ICE2: variants seen among roughly 807,000 people sequenced by gnomAD.
ICE2 encodes interactor of little elongation complex ELL subunit 2.
A neutral mutation model predicts 105.4 loss-of-function variants in ICE2; 87 were observed. The ratio of observed to expected loss-of-function variants is 0.83; its 90% CI spans 0.69 to 0.99. The LOEUF (loss-of-function observed/expected upper bound fraction) is 0.99. ICE2 is among the 50% of genes least tolerant of loss of function. The pLI, the probability that ICE2 is intolerant of heterozygous loss-of-function variation, is 0.00. For synonymous variants in ICE2, 399 were observed against 392.0 expected, an observed-to-expected ratio of 1.02 and a Z score of -0.21; for missense variants, 1,323 against 1,146.7, an observed-to-expected ratio of 1.15 and a Z score of -2.22.
chr15:60,476,112 C>G lies in ICE2; in HGVS notation c.97G>C (p.Asp33His), dbSNP rs560185047. 1 of 1,608,830 alleles carries G rather than the reference C, an allele frequency of 6.2e-7. No homozygotes were observed. Among genetic ancestry groups the G allele is most frequent in the African/African-American group, 1.3e-5 (1 of 74,734 alleles). ...KTFFSRENYK[D>H]HSMAPSLKEL... ...TTTAAACTTGGAGCCATGGAATGAT[C>G]TTTATAATTTTCTCGAGAGAAAAAT... Residue 33 changes from aspartate to histidine, a missense_variant, in exon 3 of 16, where the codon GAT becomes CAT. Coordinates refer to ENST00000261520, the MANE Select transcript of ICE2 (RefSeq NM_024611.6).
At chr15:60,428,941 G>GT in intron 14 of ICE2, among the ~76,000 whole-genome samples, 1 of 152,208 alleles carries the variant, frequency 6.6e-6, no homozygotes. Context: ...CAATTCGTAA[G>GT]TTTTCATTTA....
intron 12 of ICE2, 152 bp downstream of exon 12, chr15:60,442,264 G>C: frequency 3.1e-6 from 2 of 653,878 alleles, no homozygotes; most frequent in Non-Finnish European, 5.0e-6. Flanking sequence ...CTATACTCCA[G>C]CCTGGGCAAC....
chr15:60,430,417 G>C (rs2063430266), intron 14 of ICE2, among the ~76,000 whole-genome samples: 1 of 147,750 alleles, frequency 6.8e-6, no homozygotes, highest in South Asian at 2.3e-4. Flanking sequence ...CTTGAGAACT[G>C]TAAAATAATA....
At chr15:60,423,783 C>G in intron 15 of ICE2, 21 bp from the exon 16 acceptor site, 1 of 1,559,160 alleles carries the variant, frequency 6.4e-7, no homozygotes, top group Non-Finnish European at 8.6e-7. Context: ...AAGCAGAGAA[C>G]AGAATAGCTT....
chr15:60,432,811 G>C (rs146802054), intron 13 of ICE2, among the ~76,000 whole-genome samples: 1,943 of 151,968 alleles, frequency 0.013, 39 homozygotes, highest in African/African-American at 0.043. Context: ...AGAATGGCAC[G>C]AGCCCGGGAG....
intron 12 of ICE2, chr15:60,440,135 A>T (rs1265514321): frequency 6.6e-6 from 1 of 152,226 alleles, no homozygotes; most frequent in Admixed American, 6.5e-5. Flanking sequence ...AAACAATTAT[A>T]AACAGACTTT....
intron 5 of ICE2, among the ~76,000 whole-genome samples, chr15:60,462,707 C>T (rs563035402): frequency 2.6e-5 from 4 of 152,150 alleles, no homozygotes; most frequent in East Asian, 1.9e-4. Flanking sequence ...TGAAAACATG[C>T]GCTCTCTCTG....
Position 60,460,060 on chromosome 15 carries a change from G to C in ICE2, c.529-3266C>G, listed in dbSNP as rs967185031. On this transcript the variant is annotated intron_variant, in intron 5 of 15. Transcript: ENST00000261520. ...TTTTAATCCCACCTAGATTTTTGTA[G>C]AAATGGACAAGCTGATTCCAAAATT... 1.3e-5 allele frequency among the ~76,000 whole-genome samples: 2 copies of C among 152,152 alleles called. 1 individual carries two copies. Among genetic ancestry groups the C allele is most frequent in the Non-Finnish European group, 2.9e-5 (2 of 68,010 alleles).
chr15:60,474,054 G>A (rs1216785664), intron 3 of ICE2, among the ~76,000 whole-genome samples: 1 of 152,038 alleles, frequency 6.6e-6, no homozygotes, highest in Non-Finnish European at 1.5e-5. Flanking sequence ...ATAGGTATGT[G>A]CCACTACACA....
chr15:60,446,741 G>A (rs1382982703), intron 11 of ICE2, among the ~76,000 whole-genome samples: 1 of 152,058 alleles, frequency 6.6e-6, no homozygotes, highest in East Asian at 1.9e-4. Flanking sequence ...CCTCCACAAT[G>A]ATCAATAGTA....
intron 3 of ICE2, among the ~76,000 whole-genome samples, chr15:60,470,881 G>T (rs2064574054): frequency 6.6e-6 from 1 of 151,940 alleles, no homozygotes; most frequent in Non-Finnish European, 1.5e-5. Flanking sequence ...AGTAAAGGAG[G>T]TATCTTATTT....
chr15:60,424,698 G>A (rs1453695611), intron 15 of ICE2, among the ~76,000 whole-genome samples: 1 of 152,086 alleles, frequency 6.6e-6, no homozygotes, highest in East Asian at 1.9e-4. Flanking sequence ...TAGTAGAGAT[G>A]GGGTTTCACC....
Position 60,449,011 on chromosome 15 carries a change from C to T in ICE2, c.1956G>A (p.Gln652=). 1.2e-6 allele frequency: 2 copies of T among 1,613,822 alleles called. No homozygotes were observed. Among genetic ancestry groups the T allele is most frequent in the Non-Finnish European group, 1.7e-6 (2 of 1,179,964 alleles). Reference sequence around the variant, plus strand: ...TGGAAATTGGCTTTAAGAGCTCATCCTGCATTTTTAAAATCTCTCCAACTG... The same window carrying T: ...TGGAAATTGGCTTTAAGAGCTCATCTTGCATTTTTAAAATCTCTCCAACTG... ...FDPVGEILKM[Q]DELLKPISRK... is the part of the protein sequence containing the mutation. Residue 652 remains glutamine (Q), a synonymous_variant, in exon 10 of 16, where the codon CAG becomes CAA. Coordinates refer to ENST00000261520, the MANE Select transcript of ICE2 (RefSeq NM_024611.6).
rs768333597 is a variant in ICE2 at position 60,452,092 on chromosome 15, G to A, written c.1125+1511C>T. On this transcript the variant is annotated intron_variant, in intron 9 of 15. Transcript: ENST00000261520. ...TTTCATCCCTTTTAACCTACCTCAT[G>A]TTTCTTCTTGTTACTGCCTGACATT... The A allele has an allele frequency of 3.2e-3, 3,163 of 985,068 alleles. 13 individuals carry two copies. The highest frequency in any genetic ancestry group is 3.6e-3 in the Non-Finnish European group (3,022 of 829,690). The allele number at this position is 985,068 out of a possible 1,614,324, so 61.0% of individuals were successfully genotyped here.
intron 5 of ICE2, among the ~76,000 whole-genome samples, chr15:60,466,328 C>G (rs1162664660): frequency 6.6e-6 from 1 of 152,170 alleles, no homozygotes; most frequent in African/African-American, 2.4e-5. Flanking sequence ...TGGGTCAGTT[C>G]AAACTATTAT....
In ICE2 at chr15:60,449,028, C is replaced by G; in HGVS notation, c.1939G>C (p.Glu647Gln). Residue 647 changes from glutamate (E) to glutamine (Q), a missense_variant, in exon 10 of 16, where the codon GAG becomes CAG. Physicochemically the swap from Glu to Gln is conservative, Grantham distance 29. Transcript: ENST00000261520. Reference protein sequence around the residue: ...RVYKKFDPVGEILKMQDELLK... With the variant: ...RVYKKFDPVGQILKMQDELLK... The stretch of plus-strand genomic sequence containing the variant: ...AGCTCATCCTGCATTTTTAAAATCT[C>G]TCCAACTGGATCAAATTTTTTATAT... The G allele has an allele frequency of 6.2e-7, 1 of 1,613,620 alleles. No individual in the cohort carries two copies. The highest frequency in any genetic ancestry group is 1.1e-5 in the South Asian group (1 of 91,030).
chr15:60,463,239 C>T (rs77420027), intron 5 of ICE2, among the ~76,000 whole-genome samples: 3 of 152,072 alleles, frequency 2.0e-5, no homozygotes, highest in Non-Finnish European at 4.4e-5. Flanking sequence ...GAAACGTGTG[C>T]GTATGTGTAC....
rs1399520517 is a variant in ICE2 at position 60,448,914 on chromosome 15, C to G, written c.2053G>C (p.Gly685Arg). 1.2e-6 allele frequency: 2 copies of G among 1,613,510 alleles called. No homozygotes were observed. The highest frequency in any genetic ancestry group is 1.3e-5 in the African/African-American group (1 of 74,886). ...GGCCAACTAGAGGAGTCTGAAGGAC[C>G]AGACAATTGCTCAGAAACAGAAGGC... ...KQPSVSEQLS[G>R]PSDSSSWPKS... Residue 685 changes from glycine (G) to arginine (R), a missense_variant, in exon 10 of 16, where the codon GGT (glycine) becomes CGT (arginine). Physicochemically the swap from Gly to Arg is moderately radical, Grantham distance 125. Transcript: ENST00000261520.
chr15:60,453,371 T>G, intron 9 of ICE2: 1 of 1,314,890 alleles, frequency 7.6e-7, no homozygotes, highest in Non-Finnish European at 9.7e-7. Flanking sequence ...TTAACCCTCA[T>G]AATAACCTTG....
Sources: allele counts gnomAD v4.1 joint callset (sites outside exome capture counted in the v4.1 genomes callset), GRCh38; gene constraint gnomAD v4.1.1; transcripts MANE v1.5; gene names NCBI Gene and HGNC (gene_info 2026-07-23, HGNC 2026-07-21).